Variants in DOCK3 observed in about 807,000 individuals in gnomAD.
DOCK3 encodes dedicator of cytokinesis protein 3.
Under a neutral mutation model 265.6 loss-of-function variants are expected in DOCK3, and 60 were observed. The observed-to-expected ratio is 0.23, with a 90% confidence interval of 0.18 to 0.28. DOCK3 has a LOEUF of 0.28. DOCK3 is among the 10% of genes least tolerant of loss of function. DOCK3 has a pLI of 1.00. For missense variants in DOCK3, 1,981 were observed against 2,594.3 expected (o/e 0.76, Z 5.14); for synonymous variants, 881 against 938.0 (o/e 0.94, Z 1.11).
At chr3:51,124,967 TA>T (rs35040855) in intron 9 of DOCK3, among the ~76,000 whole-genome samples, 2,559 of 126,590 alleles carry the variant, frequency 0.02, 35 homozygotes, top group African/African-American at 0.035. Context: ...CTGTCTCTAC[TA>T]AAAAAAAAAA....
rs79052076 is a variant in DOCK3 at position 51,331,077 on chromosome 3, A to G, written c.3488+854A>G. The stretch of plus-strand genomic sequence containing the variant: ...ATCACAACATACCTGCAAGGTGTGC[A>G]GAGTAGAAATTATCTTCCCTCCCAC... On this transcript the variant is annotated intron_variant, in intron 33 of 52. Coordinates refer to ENST00000266037, the MANE Select transcript of DOCK3 (RefSeq NM_004947.5). Among the ~76,000 whole-genome samples the G allele has an allele frequency of 5.6e-3, 853 of 152,290 alleles. 6 individuals are homozygous for G. The highest frequency in any genetic ancestry group is 8.1e-3 in the Non-Finnish European group (551 of 68,034).
chr3:50,690,756 C>T (rs922893195), intron 1 of DOCK3, among the ~76,000 whole-genome samples: 8 of 151,830 alleles, frequency 5.3e-5, no homozygotes, highest in African/African-American at 1.4e-4. Context: ...GATTCTCCTG[C>T]CTCAGCCTCC....
chr3:50,749,982 A>C (rs2039686999), intron 1 of DOCK3, among the ~76,000 whole-genome samples: 1 of 152,176 alleles, frequency 6.6e-6, no homozygotes, highest in East Asian at 1.9e-4. Flanking sequence ...GACTGGTACC[A>C]ATCTGTGGCC....
chr3:51,343,692 GC>G (rs963191160), intron 38 of DOCK3, among the ~76,000 whole-genome samples: 8 of 152,180 alleles, frequency 5.3e-5, no homozygotes, highest in Non-Finnish European at 8.8e-5. Context: ...AGCTCTCAAA[GC>G]CCCCAGACCC....
chr3:51,303,269 A>T (rs1350185838), intron 27 of DOCK3, among the ~76,000 whole-genome samples: 1 of 152,162 alleles, frequency 6.6e-6, no homozygotes, highest in African/African-American at 2.4e-5. Flanking sequence ...GAGGTAATTT[A>T]TGTTCCTCTC....
intron 14 of DOCK3, among the ~76,000 whole-genome samples, chr3:51,215,606 G>C (rs1435473923): frequency 6.6e-6 from 1 of 152,218 alleles, no homozygotes; most frequent in Non-Finnish European, 1.5e-5. Context: ...TACACAAAGA[G>C]TTGGGTAGCT....
intron 3 of DOCK3, among the ~76,000 whole-genome samples, chr3:50,886,187 G>GATATATATAT (rs141280910): frequency 4.5e-5 from 6 of 132,750 alleles, no homozygotes; most frequent in Non-Finnish European, 6.7e-5. Context: ...TTATTTTGGA[G>GATATATATAT]ATATATATAT....
intron 12 of DOCK3, among the ~76,000 whole-genome samples, chr3:51,175,569 G>A (rs2086895766): frequency 6.6e-6 from 1 of 152,058 alleles, no homozygotes; most frequent in Admixed American, 6.5e-5. Context: ...GAGGTCTGCA[G>A]GTCTGCCTCC....
chr3:51,361,773 A>AT lies in DOCK3; in HGVS notation c.5007-85dup. 4.0e-6 allele frequency: 6 copies of AT among 1,507,048 alleles called. No individual in the cohort carries two copies. The highest frequency in any genetic ancestry group is 5.4e-6 in the Non-Finnish European group (6 of 1,120,736). 93.4% of individuals were successfully genotyped at this position (1,507,048 alleles called of 1,614,324 possible). On this transcript the variant is annotated intron_variant, in intron 47 of 52. Coordinates refer to ENST00000266037, the MANE Select transcript of DOCK3 (RefSeq NM_004947.5). This position sits in a 1 kb window ranked among gnomAD's most constrained non-coding sequence, Gnocchi z 4.2. ...AAACCGGTGGTAGCTGAAACCAGGG[A>AT]TGACTATTCCACACATTCCGCTCTA... is the stretch of plus-strand genomic sequence containing the variant.
At chr3:50,945,959 G>T (rs2076415352) in intron 5 of DOCK3, among the ~76,000 whole-genome samples, 1 of 151,926 alleles carries the variant, frequency 6.6e-6, no homozygotes, top group Non-Finnish European at 1.5e-5. Flanking sequence ...CAGTGTAGTG[G>T]CTCATTTCTG....
intron 4 of DOCK3, among the ~76,000 whole-genome samples, chr3:50,926,406 T>A (rs973472029): frequency 6.6e-6 from 1 of 152,244 alleles, no homozygotes; most frequent in African/African-American, 2.4e-5. Context: ...TTCATCCATT[T>A]ATTTAATTCA....
At chr3:50,855,067 T>C (rs914604036) in intron 3 of DOCK3, among the ~76,000 whole-genome samples, 17 of 152,156 alleles carry the variant, frequency 1.1e-4, no homozygotes, top group Admixed American at 2.0e-4. Context: ...TATGTGATGC[T>C]CCTGGGTTTG....
chr3:51,300,154 AT>A (rs2082298514), intron 27 of DOCK3, among the ~76,000 whole-genome samples: 1 of 152,042 alleles, frequency 6.6e-6, no homozygotes, highest in African/African-American at 2.4e-5. Flanking sequence ...ATGCCTAGAT[AT>A]TTTATTCTCT....
chr3:50,818,570 A>G (rs751341022), intron 2 of DOCK3, among the ~76,000 whole-genome samples: 5 of 152,244 alleles, frequency 3.3e-5, no homozygotes, highest in Non-Finnish European at 7.3e-5. Flanking sequence ...GGTGACAGAT[A>G]TATGAAGACA....
intron 27 of DOCK3, among the ~76,000 whole-genome samples, chr3:51,308,090 T>C (rs1576740824): frequency 1.3e-5 from 2 of 152,132 alleles, no homozygotes; most frequent in South Asian, 4.1e-4. Flanking sequence ...TAATGGCTGC[T>C]AGGCTCTGGT....
intron 5 of DOCK3, among the ~76,000 whole-genome samples, chr3:50,986,414 G>C (rs992493571): frequency 2.0e-5 from 3 of 152,196 alleles, no homozygotes; most frequent in African/African-American, 7.2e-5. Flanking sequence ...GTGAAGATTA[G>C]TTTGGCTACT....
intron 22 of DOCK3, among the ~76,000 whole-genome samples, chr3:51,259,303 A>T (rs960589071): frequency 6.6e-6 from 1 of 152,186 alleles, no homozygotes; most frequent in Non-Finnish European, 1.5e-5. Context: ...TTCCTGTTTT[A>T]TATTTCAAGT....
At chr3:50,951,447 T>C (rs2076589792) in intron 5 of DOCK3, among the ~76,000 whole-genome samples, 1 of 152,246 alleles carries the variant, frequency 6.6e-6, no homozygotes, top group Non-Finnish European at 1.5e-5. Context: ...TTTTTCCATA[T>C]GAGTTCTTTA....
intron 6 of DOCK3, among the ~76,000 whole-genome samples, chr3:51,074,491 G>A (rs1214784652): frequency 1.3e-5 from 2 of 152,128 alleles, no homozygotes; most frequent in African/African-American, 4.8e-5. Flanking sequence ...GTTGTCTTGA[G>A]TAGTAATACT....
Sources: allele counts gnomAD v4.1 joint callset (sites outside exome capture counted in the v4.1 genomes callset), GRCh38; gene constraint gnomAD v4.1.1; non-coding constraint Gnocchi (gnomAD v3.1); transcripts MANE v1.5; gene names NCBI Gene and HGNC (gene_info 2026-07-23, HGNC 2026-07-21).